The following STON1 variants were observed in gnomAD, a reference collection of about 807,000 sequenced individuals.
STON1 encodes the protein stonin 1, also known as stonin-1.
STON1 carries 79 observed loss-of-function variants against 60.9 expected under a neutral mutation model. The ratio of observed to expected loss-of-function variants is 1.30; its 90% CI spans 1.08 to 1.56. The LOEUF (loss-of-function observed/expected upper bound fraction) is 1.56, where lower values mean the gene tolerates loss of function less well. Among genes scored for constraint, STON1 ranks in the 40% most tolerant of loss-of-function variants. The probability of loss-of-function intolerance (pLI) is 0.00; values close to 1 mark genes in which losing one functional copy is unlikely to be tolerated. For synonymous variants in STON1, 363 were observed against 306.9 expected (o/e 1.18, Z -1.91); for missense variants, 1,166 against 858.9 (o/e 1.36, Z -4.47).
At chr2:48,562,735 C>A (rs1672662793) in intron 1 of STON1, among the ~76,000 whole-genome samples, 1 of 152,180 alleles carries the variant, frequency 6.6e-6, no homozygotes, top group Non-Finnish European at 1.5e-5. Flanking sequence ...GGAGGAGCTC[C>A]TTTTAATTGT....
At chr2:48,583,154 T>A (rs932752896) in intron 2 of STON1, among the ~76,000 whole-genome samples, 7 of 152,258 alleles carry the variant, frequency 4.6e-5, no homozygotes, top group African/African-American at 1.7e-4. Flanking sequence ...AGTGGCACGA[T>A]CACGGCTCAC....
chr2:48,591,220 C>A (rs1053774232), intron 2 of STON1, among the ~76,000 whole-genome samples: 2 of 148,732 alleles, frequency 1.3e-5, no homozygotes, highest in Non-Finnish European at 3.0e-5. Context: ...AAAAATATTG[C>A]TTAAAATAAA....
At chr2:48,563,476 G>A (rs1167153909) in intron 1 of STON1, among the ~76,000 whole-genome samples, 1 of 152,190 alleles carries the variant, frequency 6.6e-6, no homozygotes, top group Non-Finnish European at 1.5e-5. Flanking sequence ...TGTCCTGAGT[G>A]ATGCTAAGAC....
At chr2:48,534,337 C>T (rs1007711509) in intron 1 of STON1, among the ~76,000 whole-genome samples, 1 of 152,038 alleles carries the variant, frequency 6.6e-6, no homozygotes, top group African/African-American at 2.4e-5. Context: ...GTTTCAGAAA[C>T]TAGAACCAGA....
At chr2:48,538,809 A>G (rs1020257856) in intron 1 of STON1, among the ~76,000 whole-genome samples, 83 of 127,534 alleles carry the variant, frequency 6.5e-4, no homozygotes, top group Non-Finnish European at 9.7e-4. Flanking sequence ...GTAGAGATGC[A>G]GTTTTGCCAT....
chr2:48,583,531 G>C (rs1396341192), intron 2 of STON1, among the ~76,000 whole-genome samples: 1 of 151,922 alleles, frequency 6.6e-6, no homozygotes, highest in East Asian at 1.9e-4. Context: ...GGAGTAGTAA[G>C]TAAATAGTAG....
chr2:48,561,353 C>T (rs563555589), intron 1 of STON1, among the ~76,000 whole-genome samples: 1 of 152,342 alleles, frequency 6.6e-6, no homozygotes, highest in Non-Finnish European at 1.5e-5. Flanking sequence ...CTTTTATCTG[C>T]CCTTTCTCCC....
intron 1 of STON1, among the ~76,000 whole-genome samples, chr2:48,573,737 A>G (rs1234209160): frequency 6.6e-6 from 1 of 152,242 alleles, no homozygotes; most frequent in East Asian, 1.9e-4. Flanking sequence ...TCAGAGCAGC[A>G]TTTTTCAAAG....
chr2:48,570,091 T>C (rs1673124140), intron 1 of STON1, among the ~76,000 whole-genome samples: 1 of 152,218 alleles, frequency 6.6e-6, no homozygotes, highest in South Asian at 2.1e-4. Flanking sequence ...TCCCAGCGCA[T>C]TGGGAGGCCA....
intron 1 of STON1, among the ~76,000 whole-genome samples, chr2:48,533,971 G>A (rs1164350895): frequency 2.6e-5 from 4 of 151,940 alleles, no homozygotes; most frequent in Non-Finnish European, 5.9e-5. Context: ...GTTTCTCCAT[G>A]TTGGTCAGGC....
Position 48,580,931 on chromosome 2 carries a change from C to A in STON1, c.298C>A (p.His100Asn). Residue 100 changes from histidine (H) to asparagine (N), a missense_variant, in exon 2 of 4, where the codon CAT becomes AAT. By Grantham distance (68) the His-to-Asn change is moderately conservative. Transcript: ENST00000404752. Reference protein sequence around the residue: ...GFPGIPKAGTHVLYPIPESSS... With the variant: ...GFPGIPKAGTNVLYPIPESSS... ...TCCTGGCATCCCCAAAGCAGGGACTCATGTGCTTTATCCTATTCCAGAATC... is the reference window on the plus strand; with the variant it reads ...TCCTGGCATCCCCAAAGCAGGGACTAATGTGCTTTATCCTATTCCAGAATC... 3.7e-6 allele frequency: 6 copies of A among 1,600,310 alleles called. No individual in the cohort carries two copies. Among genetic ancestry groups the A allele is most frequent in the Non-Finnish European group, 4.3e-6 (5 of 1,174,662 alleles).
At position 48,581,904 on chromosome 2, in the gene STON1, G is replaced by C; in HGVS notation, c.1271G>C (p.Trp424Ser). ...TCCTTGGAAATTGTGGACAACTTTT[G>C]GGGTAAAGTCACAAAAGAAGGAAAA... ...EISLEIVDNF[W>S]GKVTKEGKFV... Residue 424 changes from tryptophan to serine, a missense_variant, in exon 2 of 4, where the codon TGG becomes TCG. Trp to Ser is a radical substitution (Grantham distance 177). Transcript: ENST00000404752. The C allele has an allele frequency of 6.2e-7, 1 of 1,613,974 alleles. No individual in the cohort carries two copies. Among genetic ancestry groups the C allele is most frequent in the Non-Finnish European group, 8.5e-7 (1 of 1,179,994 alleles).
intron 1 of STON1, among the ~76,000 whole-genome samples, chr2:48,550,420 C>G (rs998211224): frequency 7.9e-5 from 12 of 151,024 alleles, no homozygotes; most frequent in African/African-American, 2.9e-4. Flanking sequence ...TTGCTTGAAC[C>G]TAGGAGGCAG....
rs577727230 is a variant in STON1 at position 48,588,323 on chromosome 2, C to A, written c.1931-3330C>A. ...TTAAAAAGCTCTTTAAAATTTTATC[C>A]TTTTCAAGATTGTCTCGGAAAACTT... is the stretch of plus-strand genomic sequence containing the variant. On this transcript the variant is annotated intron_variant, in intron 2 of 3. Transcript: ENST00000404752. Among the ~76,000 whole-genome samples, 5 of 152,166 alleles carry A rather than the reference C, an allele frequency of 3.3e-5. No individual in the cohort carries two copies. In the South Asian group the frequency reaches 1.0e-3, roughly 32 times the overall value.
chr2:48,555,370 G>T, intron 1 of STON1, among the ~76,000 whole-genome samples: 1 of 55,908 alleles, frequency 1.8e-5, no homozygotes, highest in Non-Finnish European at 3.9e-5. Flanking sequence ...CGGGCAGAGG[G>T]GCTCCTCACT....
intron 1 of STON1, among the ~76,000 whole-genome samples, chr2:48,548,871 A>G (rs534274795): frequency 1.3e-5 from 2 of 152,268 alleles, no homozygotes; most frequent in East Asian, 3.9e-4. Flanking sequence ...TTTACTGCAC[A>G]GTGTTTTTCT....
In STON1 at chr2:48,591,799, G is replaced by C; in HGVS notation, c.2077G>C (p.Glu693Gln). 6.2e-7 allele frequency: 1 copy of C among 1,614,178 alleles called. No individual in the cohort carries two copies. The highest frequency in any genetic ancestry group is 8.5e-7 in the Non-Finnish European group (1 of 1,180,040). The change falls in exon 3 of 4, where the codon GAG (glutamate) becomes CAG (glutamine). Residue 693 changes from glutamate (E) to glutamine (Q), a missense_variant. Transcript: ENST00000404752. ...SRTEVRSLGV[E>Q]SDVQPQKHVQ... ...GACAGAGGTCAGGTCTCTGGGAGTG[G>C]AGAGTGATGTCCAGCCACAGAAACA...
chr2:48,591,535 A>G (rs113413018), intron 2 of STON1, 118 bp from the exon 3 acceptor site: 2 of 1,361,428 alleles, frequency 1.5e-6, no homozygotes, highest in Non-Finnish European at 2.0e-6. Flanking sequence ...TGGAATTTGC[A>G]CTGCTGCAGT....
At chr2:48,554,722 T>TTTA (rs1672245344) in intron 1 of STON1, among the ~76,000 whole-genome samples, 1 of 99,460 alleles carries the variant, frequency 1.0e-5, no homozygotes, top group South Asian at 3.8e-4. Flanking sequence ...TTTTTTTTTT[T>TTTA]TTTATTTATT....
Sources: allele counts gnomAD v4.1 joint callset (sites outside exome capture counted in the v4.1 genomes callset), GRCh38; gene constraint gnomAD v4.1.1; transcripts MANE v1.5; gene names NCBI Gene and HGNC (gene_info 2026-07-23, HGNC 2026-07-21).